Variants in STARD6 observed in about 807,000 individuals in gnomAD.
STARD6 encodes stAR-related lipid transfer protein 6.
STARD6 carries 21 observed loss-of-function variants against 22.3 expected under a neutral mutation model. That is an observed-to-expected ratio of 0.94 (90% confidence interval 0.67 to 1.35). STARD6 has a LOEUF of 1.35. Ranked by LOEUF, STARD6 falls within the 40% of genes most tolerant of loss-of-function variation. The probability of loss-of-function intolerance (pLI) is 0.00; values close to 1 mark genes in which losing one functional copy is unlikely to be tolerated. For synonymous variants in STARD6, 80 were observed against 88.1 expected, an observed-to-expected ratio of 0.91 and a Z score of 0.52; for missense variants, 269 against 266.9, an observed-to-expected ratio of 1.01 and a Z score of -0.05.
rs758002271 is a variant in STARD6, at chr18:54,324,708, T to C, written c.647A>G (p.His216Arg). 9.9e-6 allele frequency: 16 copies of C among 1,613,224 alleles called. No homozygotes were observed. The East Asian group carries it at 1.8e-4, about 18-fold the overall frequency. Residue 216 changes from histidine to arginine, a missense_variant, in exon 8 of 8, where the codon CAT (histidine) becomes CGT (arginine). Coordinates refer to ENST00000307844, the MANE Select transcript of STARD6 (RefSeq NM_139171.2). Reference sequence around the variant, plus strand: ...CTTTTGGTATCATGAATGACTATTATGATGAAATCCACGTCTTGATGGAGT... The same window carrying C: ...CTTTTGGTATCATGAATGACTATTACGATGAAATCCACGTCTTGATGGAGT... ...HRTPSRRGFHHNSHS is the reference protein window; with the variant it reads ...HRTPSRRGFHRNSHS
intron 5 of STARD6, among the ~76,000 whole-genome samples, chr18:54,332,649 C>T (rs144766589): frequency 1.0e-3 from 159 of 152,324 alleles, no homozygotes; most frequent in African/African-American, 3.7e-3. Flanking sequence ...TTCAGTCTAC[C>T]TCACTTGTCC....
At chr18:54,331,909 C>G (rs2088869341) in intron 5 of STARD6, 50 bp from the exon 6 acceptor site, 1 of 1,306,156 alleles carries the variant, frequency 7.7e-7, no homozygotes, top group South Asian at 1.3e-5. Context: ...AATATCTATT[C>G]TTTGTATTGT....
At chr18:54,345,765 A>G (rs1451835873) in intron 4 of STARD6, among the ~76,000 whole-genome samples, 1 of 152,212 alleles carries the variant, frequency 6.6e-6, no homozygotes, top group Non-Finnish European at 1.5e-5. Context: ...TTAAGCATCC[A>G]AAGGAAACTC....
intron 4 of STARD6, among the ~76,000 whole-genome samples, chr18:54,339,835 T>C (rs1449198939): frequency 6.6e-6 from 1 of 152,166 alleles, no homozygotes; most frequent in Non-Finnish European, 1.5e-5. Flanking sequence ...ACAGTATAAT[T>C]ACATATTTCT....
chr18:54,334,443 C>CGAA (rs2088891862), intron 5 of STARD6, among the ~76,000 whole-genome samples: 1 of 152,082 alleles, frequency 6.6e-6, no homozygotes, highest in African/African-American at 2.4e-5. Context: ...AAAACTTCTC[C>CGAA]CCCTGACCTT....
At chr18:54,331,900 A>G (rs201973670) in intron 5 of STARD6, 41 bp from the exon 6 acceptor site, 319 of 1,366,912 alleles carry the variant, frequency 2.3e-4, no homozygotes, top group Non-Finnish European at 2.6e-4. Flanking sequence ...ACGTTACTTA[A>G]TATCTATTCT....
Position 54,329,381 on chromosome 18 carries a change from G to A in STARD6, c.445C>T (p.His149Tyr), listed in dbSNP as rs1463666350. The A allele has an allele frequency of 6.2e-7, 1 of 1,604,340 alleles. No individual in the cohort carries two copies. The highest frequency in any genetic ancestry group is 2.3e-5 in the East Asian group (1 of 44,136). Residue 149 changes from histidine (H) to tyrosine (Y), a missense_variant, in exon 7 of 8, where the codon CAT becomes TAT. Transcript: ENST00000307844. The stretch of plus-strand genomic sequence containing the variant: ...GGTGAACATACAAAGCCACAAGGAT[G>A]GTTATAACCGCGGATATAATTTGAA... ...PSSNYIRGYNHPCGFVCSPME... is the reference protein window; with the variant it reads ...PSSNYIRGYNYPCGFVCSPME...
intron 4 of STARD6, among the ~76,000 whole-genome samples, chr18:54,350,084 G>T (rs1202886405): frequency 6.6e-6 from 1 of 152,058 alleles, no homozygotes; most frequent in Non-Finnish European, 1.5e-5. Context: ...TGGTTGTACT[G>T]ATTTACCTTC....
chr18:54,354,329 A>G (rs888696789), intron 3 of STARD6, 155 bp downstream of exon 3: 2 of 687,194 alleles, frequency 2.9e-6, no homozygotes, highest in Non-Finnish European at 4.9e-6. Context: ...CCTGTGCTCA[A>G]GCAGTCCTCC....
chr18:54,340,063 C>A (rs1599303067), intron 4 of STARD6, among the ~76,000 whole-genome samples: 2 of 152,112 alleles, frequency 1.3e-5, no homozygotes, highest in South Asian at 2.1e-4. Context: ...GAATATATTT[C>A]TAAAGCTATA....
chr18:54,331,768 T>TA lies in STARD6; in HGVS notation c.358dup (p.Tyr120LeufsTer11), dbSNP rs1568167104. ...ACTGATAATGTTCATATTTCCTTCG[T>TA]AGCGCTTGATGTACACTAAGTCGAT... On this transcript the variant is annotated frameshift_variant, in exon 6 of 8. Coordinates refer to ENST00000307844, the MANE Select transcript of STARD6 (RefSeq NM_139171.2). The TA allele has an allele frequency of 6.2e-7, 1 of 1,611,422 alleles. No homozygotes were observed. Among genetic ancestry groups the TA allele is most frequent in the East Asian group, 2.2e-5 (1 of 44,850 alleles).
intron 6 of STARD6, 44 bp from the exon 7 acceptor site, chr18:54,329,484 G>A: frequency 7.0e-7 from 1 of 1,434,798 alleles, no homozygotes; most frequent in Non-Finnish European, 9.5e-7. Context: ...TTCACAAAGA[G>A]GAAAAACTAT....
At chr18:54,332,104 A>C (rs2144669188) in intron 5 of STARD6, among the ~76,000 whole-genome samples, 1 of 152,302 alleles carries the variant, frequency 6.6e-6, no homozygotes, top group South Asian at 2.1e-4. Flanking sequence ...TAGATGGAGA[A>C]ATTGAAGCCT....
intron 5 of STARD6, among the ~76,000 whole-genome samples, chr18:54,336,092 T>C (rs2088908927): frequency 6.6e-6 from 1 of 152,204 alleles, no homozygotes; most frequent in South Asian, 2.1e-4. Context: ...TGTTTCTCTG[T>C]AAACCATACT....
At chr18:54,339,754 C>T (rs1157400682) in intron 4 of STARD6, among the ~76,000 whole-genome samples, 1 of 152,112 alleles carries the variant, frequency 6.6e-6, no homozygotes, top group African/African-American at 2.4e-5. Flanking sequence ...AAGGAAGAGA[C>T]ACAAAATAGT....
chr18:54,350,315 C>A (rs2089083729), intron 4 of STARD6, among the ~76,000 whole-genome samples: 1 of 152,038 alleles, frequency 6.6e-6, no homozygotes, highest in Admixed American at 6.6e-5. Flanking sequence ...CCTTTGCCTA[C>A]TTTTTGATGG....
intron 4 of STARD6, among the ~76,000 whole-genome samples, chr18:54,348,913 C>T (rs1386747552): frequency 6.6e-6 from 1 of 151,950 alleles, no homozygotes; most frequent in East Asian, 1.9e-4. Flanking sequence ...TTTTGTACTG[C>T]AGTTATAAGA....
intron 4 of STARD6, among the ~76,000 whole-genome samples, chr18:54,340,375 C>A (rs1222534023): frequency 6.6e-6 from 1 of 151,952 alleles, no homozygotes; most frequent in East Asian, 1.9e-4. Flanking sequence ...ATTGTAGCCC[C>A]TATAGTTATC....
At chr18:54,350,738 G>A (rs1402272961) in intron 4 of STARD6, among the ~76,000 whole-genome samples, 3 of 152,092 alleles carry the variant, frequency 2.0e-5, no homozygotes, top group African/African-American at 7.2e-5. Context: ...GTTGAATAGG[G>A]TGTCCTTTCC....
Sources: allele counts gnomAD v4.1 joint callset (sites outside exome capture counted in the v4.1 genomes callset), GRCh38; gene constraint gnomAD v4.1.1; transcripts MANE v1.5; gene names NCBI Gene and HGNC (gene_info 2026-07-23, HGNC 2026-07-21).